The following THSD7A variants were observed in gnomAD, a reference collection of about 807,000 sequenced individuals.
THSD7A encodes the protein thrombospondin type-1 domain-containing protein 7A.
Under a neutral mutation model 231.3 loss-of-function variants are expected in THSD7A, and 96 were observed. The observed-to-expected ratio is 0.41, with a 90% CI of 0.35 to 0.49. The LOEUF (loss-of-function observed/expected upper bound fraction) is 0.49. Ranked by LOEUF, THSD7A falls within the 20% of genes least tolerant of loss-of-function variation. The pLI, the probability that THSD7A is intolerant of heterozygous loss-of-function variation, is 0.05. For synonymous variants in THSD7A, 940 were observed against 743.3 expected (o/e 1.26, Z -4.30); for missense variants, 2,290 against 2,070.2 (o/e 1.11, Z -2.06).
chr7:11,450,301 T>C (rs1785103537), intron 11 of THSD7A, among the ~76,000 whole-genome samples: 1 of 152,026 alleles, frequency 6.6e-6, no homozygotes, highest in Non-Finnish European at 1.5e-5. Flanking sequence ...CATAAAATCT[T>C]AAGTACTCTA....
intron 1 of THSD7A, among the ~76,000 whole-genome samples, chr7:11,670,366 CT>C: frequency 6.6e-6 from 1 of 152,136 alleles, no homozygotes; most frequent in Admixed American, 6.6e-5. Flanking sequence ...GGGCCTGAGG[CT>C]GTGTAATGGA....
At chr7:11,392,478 T>C (rs938085755) in intron 23 of THSD7A, among the ~76,000 whole-genome samples, 13 of 152,154 alleles carry the variant, frequency 8.5e-5, no homozygotes, top group Non-Finnish European at 1.3e-4. Context: ...ACTGAGCTAG[T>C]TGCAAGAGTT....
chr7:11,511,848 C>T (rs1787821950), intron 6 of THSD7A, among the ~76,000 whole-genome samples: 1 of 152,172 alleles, frequency 6.6e-6, no homozygotes, highest in Non-Finnish European at 1.5e-5. Context: ...AAAACCTAGG[C>T]AATACCATTC....
chr7:11,677,142 T>C (rs553982765), intron 1 of THSD7A, among the ~76,000 whole-genome samples: 20 of 152,194 alleles, frequency 1.3e-4, no homozygotes, highest in African/African-American at 4.6e-4. Context: ...AATTTTCAAC[T>C]CAGAATTTTA....
chr7:11,390,769 G>T (rs1053468063), intron 23 of THSD7A, among the ~76,000 whole-genome samples: 1 of 152,150 alleles, frequency 6.6e-6, no homozygotes, highest in Non-Finnish European at 1.5e-5. Flanking sequence ...CCTTCGGATG[G>T]GGTCTCTGAG....
At chr7:11,390,261 TTTCACATAGTCCC>T (rs367985286) in intron 23 of THSD7A, among the ~76,000 whole-genome samples, 14,128 of 152,202 alleles carry the variant, frequency 0.093, 636 homozygotes, top group Non-Finnish European at 0.11. Context: ...GATTTAGTCT[TTTCACATAGTCCC>T]ATATTTCTTG....
chr7:11,418,107 T>C (rs1784022435), intron 16 of THSD7A, among the ~76,000 whole-genome samples: 1 of 152,144 alleles, frequency 6.6e-6, no homozygotes, highest in African/African-American at 2.4e-5. Context: ...AAGTGGGAGA[T>C]TTCATTGAGT....
intron 22 of THSD7A, among the ~76,000 whole-genome samples, chr7:11,402,203 G>A (rs529095969): frequency 6.6e-6 from 1 of 152,132 alleles, no homozygotes; most frequent in Non-Finnish European, 1.5e-5. Context: ...TGATATCAAA[G>A]GTAAATTGTG....
rs61483307 is a variant in THSD7A at position 11,736,453 on chromosome 7, C to CTGTGTGTG, written c.190+95296_190+95303dup. Among the ~76,000 whole-genome samples, 248 of 143,596 alleles carry CTGTGTGTG rather than the reference C, an allele frequency of 1.7e-3. No individual in the cohort carries two copies. The Middle Eastern group carries it at 0.018, about 10-fold the overall frequency. 94.2% of individuals were successfully genotyped at this position (143,596 alleles called of 152,430 possible). On this transcript the variant is annotated intron_variant, in intron 1 of 27. Coordinates refer to ENST00000423059, the MANE Select transcript of THSD7A (RefSeq NM_015204.3). ...TCCAGCCTGGGTGACACAGCAGACT[C>CTGTGTGTG]TGTGTGTGTGTGTGTGTGTGTGTGT...
In THSD7A at chr7:11,627,873, T is replaced by G. The variant is rs987323264; in HGVS notation, c.1022+8257A>C. Among the ~76,000 whole-genome samples the G allele has an allele frequency of 2.0e-5, 3 of 152,030 alleles. No individual in the cohort carries two copies. In the East Asian group the frequency reaches 5.8e-4, roughly 29 times the overall value. On this transcript the variant is annotated intron_variant, in intron 2 of 27. Coordinates refer to ENST00000423059, the MANE Select transcript of THSD7A (RefSeq NM_015204.3). ...AGTAAGAAAATGTATGCGCTCCCCT[T>G]TAACTGATTGGAAAAAGATAGTTTA...
chr7:11,750,291 C>T (rs1782455333), intron 1 of THSD7A, among the ~76,000 whole-genome samples: 1 of 151,624 alleles, frequency 6.6e-6, no homozygotes, highest in Non-Finnish European at 1.5e-5. Context: ...ACACCTTGCC[C>T]AAACAGAAGT....
At chr7:11,726,904 C>T (rs1415732265) in intron 1 of THSD7A, among the ~76,000 whole-genome samples, 2 of 152,004 alleles carry the variant, frequency 1.3e-5, no homozygotes, top group South Asian at 4.2e-4. Flanking sequence ...TTCCTCAGGT[C>T]CTGGCCCAGT....
intron 7 of THSD7A, among the ~76,000 whole-genome samples, chr7:11,475,129 T>C (rs947022477): frequency 2.6e-5 from 4 of 152,086 alleles, no homozygotes; most frequent in African/African-American, 9.7e-5. Flanking sequence ...AGAAAGTAAT[T>C]GGCAACAAGA....
At chr7:11,738,415 C>A (rs1407793406) in intron 1 of THSD7A, among the ~76,000 whole-genome samples, 4 of 151,962 alleles carry the variant, frequency 2.6e-5, no homozygotes, top group Non-Finnish European at 5.9e-5. Context: ...AGCATCTCAG[C>A]AAACACTGGT....
chr7:11,736,969 C>G (rs1458387663), intron 1 of THSD7A, among the ~76,000 whole-genome samples: 1 of 151,888 alleles, frequency 6.6e-6, no homozygotes, highest in East Asian at 1.9e-4. Context: ...AGACTTCCTC[C>G]TTCTCTGGGC....
chr7:11,714,259 T>C (rs937582508), intron 1 of THSD7A, among the ~76,000 whole-genome samples: 3 of 151,194 alleles, frequency 2.0e-5, no homozygotes, highest in African/African-American at 7.3e-5. Flanking sequence ...ATGTTCATAG[T>C]GAATTATATG....
At chr7:11,573,831 A>C (rs561801249) in intron 4 of THSD7A, among the ~76,000 whole-genome samples, 1 of 152,252 alleles carries the variant, frequency 6.6e-6, no homozygotes, top group East Asian at 1.9e-4. Context: ...CAGTTTATTT[A>C]CTTATTCAAT....
chr7:11,403,537 A>T (rs1783482700), intron 22 of THSD7A, among the ~76,000 whole-genome samples: 1 of 152,210 alleles, frequency 6.6e-6, no homozygotes, highest in Admixed American at 6.5e-5. Flanking sequence ...TATGTAGGAA[A>T]ACTGCTAAAG....
chr7:11,444,193 A>C lies in THSD7A; in HGVS notation c.3064+1868T>G, dbSNP rs934631687. Among the ~76,000 whole-genome samples, 1 of 152,054 alleles carries C rather than the reference A, an allele frequency of 6.6e-6. No homozygotes were observed. The highest frequency in any genetic ancestry group is 2.1e-4 in the South Asian group (1 of 4,828). ...GTGGAGAAAGAGGAACACTTTTACA[A>C]TGTTGGTGGGAGTGTAAATTAGTTC... On this transcript the variant is annotated intron_variant, in intron 13 of 27. Coordinates refer to ENST00000423059, the MANE Select transcript of THSD7A (RefSeq NM_015204.3). The surrounding 1 kb of genome is among the most constrained non-coding windows in gnomAD (Gnocchi z 4.2).
Sources: gnomAD v4.1 joint callset for allele counts (sites outside exome capture counted in the v4.1 genomes callset) on GRCh38, gnomAD v4.1.1 for gene constraint, Gnocchi (gnomAD v3.1) non-coding constraint, MANE v1.5 for transcripts, NCBI Gene and HGNC (gene_info 2026-07-23, HGNC 2026-07-21) for gene names.